The following PXDNL variants were observed in gnomAD, a reference collection of about 807,000 sequenced individuals.
The protein encoded by PXDNL is peroxidasin like.
In PXDNL, 145 loss-of-function variants were observed where a neutral mutation model predicts 150.8. The observed-to-expected ratio is 0.96, with a 90% CI of 0.84 to 1.10. The LOEUF (loss-of-function observed/expected upper bound fraction) is 1.10, where lower values mean the gene tolerates loss of function less well. PXDNL is among the 50% of genes least tolerant of loss of function. The pLI is 0.00. For missense variants in PXDNL, 2,087 were observed against 1,873.9 expected (o/e 1.11, Z -2.10); for synonymous variants, 757 against 725.7 (o/e 1.04, Z -0.69).
chr8:51,768,833 C>T (rs1420524663), intron 1 of PXDNL, among the ~76,000 whole-genome samples: 4 of 152,196 alleles, frequency 2.6e-5, no homozygotes, highest in Non-Finnish European at 4.4e-5. Context: ...TGGTGGCTTA[C>T]GCCTGTAATC....
At chr8:51,581,767 C>A (rs1301062894) in intron 3 of PXDNL, among the ~76,000 whole-genome samples, 2 of 152,080 alleles carry the variant, frequency 1.3e-5, no homozygotes, top group African/African-American at 2.4e-5. Flanking sequence ...AATATTAAAT[C>A]TTTCAAAAGA....
chr8:51,690,498 C>G lies in PXDNL; in HGVS notation c.165-35738G>C, dbSNP rs528316460. Among the ~76,000 whole-genome samples, 7 of 152,234 alleles carry G rather than the reference C, an allele frequency of 4.6e-5. No individual in the cohort carries two copies. In the South Asian group the frequency reaches 1.5e-3, roughly 32 times the overall value. ...TCCATGTCCCTACAAAGGACATGAA[C>G]TCATCATTTGTTATGGCTGCATAGT... is the stretch of plus-strand genomic sequence containing the variant. On this transcript the variant is annotated intron_variant, in intron 1 of 22. Coordinates refer to ENST00000356297, the MANE Select transcript of PXDNL (RefSeq NM_144651.5).
intron 21 of PXDNL, among the ~76,000 whole-genome samples, chr8:51,322,898 C>A (rs1240398033): frequency 6.6e-6 from 1 of 152,150 alleles, no homozygotes; most frequent in African/African-American, 2.4e-5. Flanking sequence ...TATTCAGTAC[C>A]TGATATGTAC....
chr8:51,782,549 G>T (rs766641534), intron 1 of PXDNL, among the ~76,000 whole-genome samples: 41 of 152,200 alleles, frequency 2.7e-4, no homozygotes, highest in Non-Finnish European at 5.1e-4. Flanking sequence ...AGGGCACATA[G>T]TAGTCACTGA....
intron 1 of PXDNL, among the ~76,000 whole-genome samples, chr8:51,738,718 T>C (rs982527337): frequency 6.6e-6 from 1 of 152,162 alleles, no homozygotes; most frequent in African/African-American, 2.4e-5. Flanking sequence ...AGTAGTCCTG[T>C]AACTATTAAA....
At chr8:51,572,801 AACAC>A (rs202137268) in intron 3 of PXDNL, among the ~76,000 whole-genome samples, 11 of 151,788 alleles carry the variant, frequency 7.2e-5, no homozygotes, top group Non-Finnish European at 1.0e-4. Flanking sequence ...TTTTTTTAAA[AACAC>A]ACACACACGC....
chr8:51,450,918 AT>A (rs1200101780), intron 10 of PXDNL, among the ~76,000 whole-genome samples: 2 of 152,178 alleles, frequency 1.3e-5, no homozygotes, highest in Non-Finnish European at 2.9e-5. Context: ...TTTCCAGAAC[AT>A]TACACTAACT....
intron 1 of PXDNL, among the ~76,000 whole-genome samples, chr8:51,762,451 G>C (rs2037175809): frequency 6.6e-6 from 1 of 152,110 alleles, no homozygotes; most frequent in African/African-American, 2.4e-5. Flanking sequence ...TTCACAACCT[G>C]CTGCTCTCTC....
rs550234047 is a variant in PXDNL at position 51,486,939 on chromosome 8, C to T, written c.453-3225G>A. Among the ~76,000 whole-genome samples the T allele has an allele frequency of 6.7e-5, 10 of 149,582 alleles. No homozygotes were observed. The East Asian group carries it at 1.0e-3, about 15-fold the overall frequency. ...CCTCAGCCTCCCAAGTAGCTACAGGCGCATGCCACCCCGCCCAGCTAATTT... is the reference window on the plus strand; with the variant it reads ...CCTCAGCCTCCCAAGTAGCTACAGGTGCATGCCACCCCGCCCAGCTAATTT... On this transcript the variant is annotated intron_variant, in intron 5 of 22. Coordinates refer to ENST00000356297, the MANE Select transcript of PXDNL (RefSeq NM_144651.5).
chr8:51,514,522 G>C (rs1183650181), intron 4 of PXDNL, among the ~76,000 whole-genome samples: 6 of 152,136 alleles, frequency 3.9e-5, no homozygotes, highest in Non-Finnish European at 8.8e-5. Flanking sequence ...AAATGTTTAT[G>C]ATATAATTAT....
intron 1 of PXDNL, among the ~76,000 whole-genome samples, chr8:51,720,276 A>T (rs1370155188): frequency 6.6e-6 from 1 of 151,514 alleles, no homozygotes; most frequent in Non-Finnish European, 1.5e-5. Flanking sequence ...TATGTGACAT[A>T]TTATCCTTTA....
intron 2 of PXDNL, among the ~76,000 whole-genome samples, chr8:51,594,336 C>T (rs962298726): frequency 6.6e-6 from 1 of 152,128 alleles, no homozygotes; most frequent in Admixed American, 6.5e-5. Flanking sequence ...AATCTTCCAA[C>T]GGTGGTGCCT....
At chr8:51,521,182 C>T (rs1398966906) in intron 4 of PXDNL, among the ~76,000 whole-genome samples, 1 of 152,142 alleles carries the variant, frequency 6.6e-6, no homozygotes, top group Admixed American at 6.5e-5. Flanking sequence ...TATGAGGCTA[C>T]AGTGTGCTGT....
chr8:51,485,895 G>A (rs1430504017), intron 5 of PXDNL, among the ~76,000 whole-genome samples: 2 of 152,158 alleles, frequency 1.3e-5, no homozygotes, highest in Non-Finnish European at 2.9e-5. Context: ...CTAGCCATAT[G>A]CCATTTCCTT....
At chr8:51,457,930 T>G (rs1717635854) in intron 8 of PXDNL, among the ~76,000 whole-genome samples, 1 of 152,184 alleles carries the variant, frequency 6.6e-6, no homozygotes, top group Non-Finnish European at 1.5e-5. Flanking sequence ...CTGAGTGGCA[T>G]GAATTTAGAC....
chr8:51,599,120 C>T (rs1813637246), intron 2 of PXDNL, among the ~76,000 whole-genome samples: 1 of 152,030 alleles, frequency 6.6e-6, no homozygotes, highest in Admixed American at 6.6e-5. Context: ...TTTGGATCTT[C>T]TCTTTTTCTC....
chr8:51,527,196 T>C (rs1258576991), intron 4 of PXDNL, among the ~76,000 whole-genome samples: 2 of 152,168 alleles, frequency 1.3e-5, no homozygotes, highest in Non-Finnish European at 2.9e-5. Flanking sequence ...CACCTGAGCT[T>C]GCCATAGAAG....
At chr8:51,690,648 A>T (rs1247813038) in intron 1 of PXDNL, among the ~76,000 whole-genome samples, 2 of 152,196 alleles carry the variant, frequency 1.3e-5, no homozygotes, top group African/African-American at 2.4e-5. Flanking sequence ...ATGTGTCGTT[A>T]TAGCAGTATG....
intron 1 of PXDNL, among the ~76,000 whole-genome samples, chr8:51,801,778 T>C (rs1352041585): frequency 5.3e-5 from 8 of 152,238 alleles, no homozygotes; most frequent in Non-Finnish European, 1.0e-4. Flanking sequence ...GCTGGACTGG[T>C]AGGCACTAAT....
Sources: allele counts gnomAD v4.1 joint callset (sites outside exome capture counted in the v4.1 genomes callset), GRCh38; gene constraint gnomAD v4.1.1; transcripts MANE v1.5; gene names NCBI Gene and HGNC (gene_info 2026-07-23, HGNC 2026-07-21).